STPG2: variants seen among roughly 807,000 people sequenced by gnomAD.
STPG2 encodes the protein sperm-tail PG-rich repeat-containing protein 2.
A neutral mutation model predicts 54.2 loss-of-function variants in STPG2; 56 were observed. The ratio of observed to expected loss-of-function variants is 1.03; its 90% CI spans 0.83 to 1.29. STPG2 has a LOEUF of 1.29. Among genes scored for constraint, STPG2 ranks in the 50% most tolerant of loss-of-function variants. The pLI, the probability that STPG2 is intolerant of heterozygous loss-of-function variation, is 0.00. For missense variants in STPG2, 596 were observed against 544.9 expected (o/e 1.09, Z -0.93); for synonymous variants, 200 against 181.8 (o/e 1.10, Z -0.81).
At chr4:97,767,596 G>C (rs927351619) in intron 9 of STPG2, among the ~76,000 whole-genome samples, 2 of 151,896 alleles carry the variant, frequency 1.3e-5, no homozygotes, top group African/African-American at 4.8e-5. Context: ...ATTCATATTT[G>C]GCATTCATAA....
intron 5 of STPG2, among the ~76,000 whole-genome samples, chr4:98,018,665 C>T (rs928172601): frequency 2.0e-5 from 3 of 151,494 alleles, no homozygotes; most frequent in African/African-American, 7.3e-5. Flanking sequence ...TTCTCCACAT[C>T]CTCTCCAGCA....
chr4:98,095,124 G>C (rs1422681847), intron 5 of STPG2, among the ~76,000 whole-genome samples: 2 of 151,980 alleles, frequency 1.3e-5, no homozygotes. Flanking sequence ...TAAAATAATG[G>C]GTTACAAGAT....
intron 5 of STPG2, among the ~76,000 whole-genome samples, chr4:98,102,168 C>G (rs926481156): frequency 6.6e-6 from 1 of 152,164 alleles, no homozygotes; most frequent in Admixed American, 6.5e-5. Flanking sequence ...ACCTACCTCC[C>G]TCACCTCTGA....
chr4:97,947,587 C>T (rs1014548689), intron 7 of STPG2, among the ~76,000 whole-genome samples: 7 of 151,908 alleles, frequency 4.6e-5, no homozygotes, highest in African/African-American at 1.7e-4. Flanking sequence ...CCCTTTTATA[C>T]CTAGTTTATT....
At position 97,648,908 on chromosome 4, in the gene STPG2, T is replaced by G. The variant is rs148647661; in HGVS notation, c.1320+63791A>C. On this transcript the variant is annotated intron_variant, in intron 10 of 10. Transcript: ENST00000295268. Reference sequence around the variant, plus strand: ...AATACTCAGGTCAAGCTCCCATTACTTTAATTAGCTAAATTCTGGTTTTCC... The same window carrying G: ...AATACTCAGGTCAAGCTCCCATTACGTTAATTAGCTAAATTCTGGTTTTCC... Among the ~76,000 whole-genome samples the G allele has an allele frequency of 1.6e-4, 24 of 152,304 alleles. No individual in the cohort carries two copies. The East Asian group carries it at 3.1e-3, about 20-fold the overall frequency.
At chr4:97,740,106 A>C (rs1214461986) in intron 9 of STPG2, among the ~76,000 whole-genome samples, 1 of 152,154 alleles carries the variant, frequency 6.6e-6, no homozygotes, top group Non-Finnish European at 1.5e-5. Flanking sequence ...GAACCAAAGA[A>C]AAAAACCACA....
intron 9 of STPG2, among the ~76,000 whole-genome samples, chr4:97,740,244 C>G: frequency 6.6e-6 from 1 of 152,180 alleles, no homozygotes; most frequent in East Asian, 1.9e-4. Context: ...ATGACACACC[C>G]ACAGCCAATA....
At chr4:97,452,907 G>C (rs1255357882) in intron 4 of STPG2, among the ~76,000 whole-genome samples, 1 of 152,198 alleles carries the variant, frequency 6.6e-6, no homozygotes, top group African/African-American at 2.4e-5. Flanking sequence ...GCGTTCTATT[G>C]CTCAATATAA....
chr4:97,549,509 G>T (rs1452265415), intron 4 of STPG2, among the ~76,000 whole-genome samples: 2 of 152,114 alleles, frequency 1.3e-5, no homozygotes, highest in Non-Finnish European at 2.9e-5. Context: ...ATATGTAGGG[G>T]TGATGAGTTG....
intron 10 of STPG2, among the ~76,000 whole-genome samples, chr4:97,567,436 T>A (rs560935890): frequency 1.1e-3 from 161 of 148,826 alleles, no homozygotes; most frequent in Middle Eastern, 3.6e-3. Flanking sequence ...ATATATAATT[T>A]TATATATATA....
intron 9 of STPG2, among the ~76,000 whole-genome samples, chr4:97,793,118 C>T (rs1560530161): frequency 6.6e-6 from 1 of 151,980 alleles, no homozygotes; most frequent in Non-Finnish European, 1.5e-5. Context: ...CATGCCACTG[C>T]ACTCCAGCCT....
intron 10 of STPG2, among the ~76,000 whole-genome samples, chr4:97,642,872 A>G (rs926876138): frequency 2.0e-5 from 3 of 151,644 alleles, no homozygotes; most frequent in East Asian, 3.9e-4. Context: ...CAAAACAAAA[A>G]AAGAAAATTA....
chr4:97,629,217 G>A (rs1721170660), intron 10 of STPG2, among the ~76,000 whole-genome samples: 2 of 152,050 alleles, frequency 1.3e-5, no homozygotes, highest in South Asian at 2.1e-4. Context: ...GTTGTTGAAA[G>A]AGCCAAATAA....
chr4:97,761,109 TA>T lies in STPG2; in HGVS notation c.1205-48296del, dbSNP rs1244386477. ...TCTCCCCATCTCATAGTCAACCAAT[TA>T]GCAACCTGCAACTTTAATTATCCCT... On this transcript the variant is annotated intron_variant, in intron 9 of 10. Coordinates refer to ENST00000295268, the MANE Select transcript of STPG2 (RefSeq NM_174952.3). Among the ~76,000 whole-genome samples the T allele has an allele frequency of 2.0e-5, 3 of 152,162 alleles. No individual in the cohort carries two copies. The East Asian group carries it at 5.8e-4, about 29-fold the overall frequency.
intron 9 of STPG2, among the ~76,000 whole-genome samples, chr4:97,754,253 G>T (rs964586659): frequency 6.6e-6 from 1 of 152,106 alleles, no homozygotes; most frequent in Non-Finnish European, 1.5e-5. Context: ...CCAAGAAATT[G>T]AAAGAGATAA....
At chr4:97,701,492 A>T (rs1346738791) in intron 10 of STPG2, among the ~76,000 whole-genome samples, 1 of 152,140 alleles carries the variant, frequency 6.6e-6, no homozygotes, top group Non-Finnish European at 1.5e-5. Context: ...CTCCATGGGG[A>T]AGGATGGAAA....
chr4:97,810,976 T>A (rs1272809978), intron 9 of STPG2, among the ~76,000 whole-genome samples: 1 of 152,168 alleles, frequency 6.6e-6, no homozygotes, highest in East Asian at 1.9e-4. Context: ...ATGGTAAGGA[T>A]CAGATTATAT....
chr4:97,648,477 A>T (rs1396408992), intron 10 of STPG2, among the ~76,000 whole-genome samples: 1 of 152,170 alleles, frequency 6.6e-6, no homozygotes. Context: ...ACCACTTACT[A>T]TCAGTGTTTG....
intron 9 of STPG2, among the ~76,000 whole-genome samples, chr4:97,831,077 TCAGCACCTCATC>T (rs1728441740): frequency 2.0e-5 from 3 of 152,204 alleles, no homozygotes; most frequent in African/African-American, 7.2e-5. Flanking sequence ...TACATTCTTC[TCAGCACCTCATC>T]TGACTTATTC....
Sources: gnomAD v4.1 joint callset for allele counts (sites outside exome capture counted in the v4.1 genomes callset) on GRCh38, gnomAD v4.1.1 for gene constraint, MANE v1.5 for transcripts, NCBI Gene and HGNC (gene_info 2026-07-23, HGNC 2026-07-21) for gene names.